ZNF706: variants seen among roughly 807,000 people sequenced by gnomAD.
The protein encoded by ZNF706 is transcriptional regulator ZNF706.
In ZNF706, 4 loss-of-function variants were observed where a neutral mutation model predicts 9.2. The ratio of observed to expected loss-of-function variants is 0.43; its 90% confidence interval spans 0.21 to 0.99. ZNF706 has a LOEUF of 0.99. Among genes scored for constraint, ZNF706 ranks in the 50% least tolerant of loss-of-function variants. The pLI is 0.26. For synonymous variants in ZNF706, 28 were observed against 27.3 expected (o/e 1.03, Z -0.08); for missense variants, 27 against 87.8 (o/e 0.31, Z 2.77).
chr8:101,204,796 A>C (rs1810691574), intron 1 of ZNF706: 1 of 985,380 alleles, frequency 1.0e-6, no homozygotes, highest in Admixed American at 6.1e-5. Flanking sequence ...AAACCAACAT[A>C]AATGAGTAAC....
In ZNF706 at chr8:101,201,595, A is replaced by G. The variant is rs1352788511; in HGVS notation, c.135+12T>C. ...ACGGGAGAGCTGTATCTTTCAATTC[A>G]ATTCCCCTTACCCTACAGACAGTGC... On this transcript the variant is annotated intron_variant, in intron 2 of 3. Coordinates refer to ENST00000311212, the MANE Select transcript of ZNF706 (RefSeq NM_016096.5). The surrounding 1 kb of genome is among the most constrained non-coding windows in gnomAD (Gnocchi z 4.5). The G allele has an allele frequency of 6.2e-7, 1 of 1,608,872 alleles. No homozygotes were observed. Among genetic ancestry groups the G allele is most frequent in the East Asian group, 2.2e-5 (1 of 44,820 alleles).
intron 2 of ZNF706, 112 bp from the exon 3 acceptor site, chr8:101,200,209 T>A: frequency 2.6e-6 from 2 of 783,000 alleles, no homozygotes; most frequent in Non-Finnish European, 4.1e-6. Context: ...AAAACACCTT[T>A]AAATTCCTAC....
intron 1 of ZNF706, among the ~76,000 whole-genome samples, chr8:101,202,090 T>C (rs896755186): frequency 2.6e-5 from 4 of 151,980 alleles, no homozygotes; most frequent in Non-Finnish European, 5.9e-5. Context: ...GTAACACGGA[T>C]GCACAACTTG....
chr8:101,200,760 G>T (rs925374361), intron 2 of ZNF706: 1 of 153,922 alleles, frequency 6.5e-6, no homozygotes, highest in Non-Finnish European at 1.4e-5. Context: ...TATATGTAGT[G>T]TACTAACTCC....
rs747523286 is a variant in ZNF706 at position 101,199,266 on chromosome 8, TG to T, written c.*13-28del. Reference sequence around the variant, plus strand: ...TATAAAACATAAGCAAAATTTTCAATGAATGTTACCATTGCACAAATGCAAC... The same window carrying T: ...TATAAAACATAAGCAAAATTTTCAATAATGTTACCATTGCACAAATGCAAC... On this transcript the variant is annotated intron_variant, in intron 3 of 3. Coordinates refer to ENST00000311212, the MANE Select transcript of ZNF706 (RefSeq NM_016096.5). 25 of 701,122 alleles carry T rather than the reference TG, an allele frequency of 3.6e-5. No homozygotes were observed. In the African/African-American group the frequency reaches 4.0e-4, roughly 11 times the overall value. 43.4% of individuals were successfully genotyped at this position (701,122 alleles called of 1,614,324 possible).
chr8:101,200,173 C>A (rs772758381), intron 2 of ZNF706, 76 bp from the exon 3 acceptor site: 6 of 1,201,972 alleles, frequency 5.0e-6, no homozygotes, highest in South Asian at 3.7e-5. Flanking sequence ...GAATCCTGAA[C>A]CTTCTCAGTA....
At position 101,198,004 on chromosome 8, in the gene ZNF706, A is replaced by C. The variant is rs1356381900; in HGVS notation, c.*1248T>G. The C allele has an allele frequency of 6.6e-6, 1 of 152,226 alleles. No homozygotes were observed. Among genetic ancestry groups the C allele is most frequent in the African/African-American group, 2.4e-5 (1 of 41,464 alleles). The allele number at this position is 152,226 out of a possible 1,614,324, so 9.4% of individuals were successfully genotyped here. Reference sequence around the variant, plus strand: ...GTTCTTTCTATTATATTAATTTAAAAATTTAAACCGAGTTAACAGCAGTTT... The same window carrying C: ...GTTCTTTCTATTATATTAATTTAAACATTTAAACCGAGTTAACAGCAGTTT... On this transcript the variant is annotated 3_prime_UTR_variant, in exon 4 of 4. Coordinates refer to ENST00000311212, the MANE Select transcript of ZNF706 (RefSeq NM_016096.5).
intron 1 of ZNF706, chr8:101,203,097 A>G (rs756252467): frequency 2.0e-5 from 3 of 152,144 alleles, no homozygotes; most frequent in Non-Finnish European, 2.9e-5. Flanking sequence ...CTTGGTTAAG[A>G]GGGTTCTTTT....
chr8:101,201,870 G>T lies in ZNF706; in HGVS notation c.-2-127C>A. The T allele has an allele frequency of 9.9e-7, 1 of 1,014,426 alleles. No homozygotes were observed. Among genetic ancestry groups the T allele is most frequent in the Non-Finnish European group, 1.4e-6 (1 of 712,718 alleles). The allele number at this position is 1,014,426 out of a possible 1,614,324, so 62.8% of individuals were successfully genotyped here. A position where few individuals can be genotyped will look rare whatever the true frequency, so the allele number is the denominator to read the frequency against. On this transcript the variant is annotated intron_variant, in intron 1 of 3. Transcript: ENST00000311212. The surrounding 1 kb of genome is among the most constrained non-coding windows in gnomAD (Gnocchi z 4.5). ...AATATCTGGCAAATAAAAATTTATA[G>T]GTATTAAAATTCCCACATATAAATG...
chr8:101,201,850 C>G lies in ZNF706; in HGVS notation c.-2-107G>C. On this transcript the variant is annotated intron_variant, in intron 1 of 3. Transcript: ENST00000311212. This position sits in a 1 kb window ranked among gnomAD's most constrained non-coding sequence, Gnocchi z 4.5. ...GAAGCCTTAAGTTTTATAGAAATAT[C>G]TGGCAAATAAAAATTTATAGGTATT... 8.3e-7 allele frequency: 1 copy of G among 1,199,788 alleles called. No individual in the cohort carries two copies. The highest frequency in any genetic ancestry group is 1.2e-6 in the Non-Finnish European group (1 of 868,572). 74.3% of individuals were successfully genotyped at this position (1,199,788 alleles called of 1,614,324 possible). A position where few individuals can be genotyped will look rare whatever the true frequency, so the allele number is the denominator to read the frequency against.
rs768262970 is a variant in ZNF706, at chr8:101,199,982, T to C, written c.*12+8A>G. 5.0e-6 allele frequency: 8 copies of C among 1,587,536 alleles called. No homozygotes were observed. Among genetic ancestry groups the C allele is most frequent in the Admixed American group, 3.3e-5 (2 of 59,842 alleles). ...ATTAACAAACCAATAGAAAAAGAGG[T>C]GAGTTACCTGTAAACAACCTTATGC... On this transcript the variant is annotated splice_region_variant and intron_variant, in intron 3 of 3. Transcript: ENST00000311212.
At position 101,200,111 on chromosome 8, in the gene ZNF706, G is replaced by T. The variant is rs948107858; in HGVS notation, c.136-14C>A. On this transcript the variant is annotated splice_polypyrimidine_tract_variant and intron_variant, in intron 2 of 3. Coordinates refer to ENST00000311212, the MANE Select transcript of ZNF706 (RefSeq NM_016096.5). ...TGGCATTTGTGTCTAACAAAAAATT[G>T]TGCAAAAGAGAGCTAGACTTTATTT... 6 of 1,600,626 alleles carry T rather than the reference G, an allele frequency of 3.7e-6. No individual in the cohort carries two copies. Among genetic ancestry groups the T allele is most frequent in the South Asian group, 1.1e-5 (1 of 90,770 alleles).
chr8:101,201,849 T>G lies in ZNF706; in HGVS notation c.-2-106A>C. 1 of 1,207,474 alleles carries G rather than the reference T, an allele frequency of 8.3e-7. No individual in the cohort carries two copies. The highest frequency in any genetic ancestry group is 1.1e-6 in the Non-Finnish European group (1 of 873,618). 74.8% of individuals were successfully genotyped at this position (1,207,474 alleles called of 1,614,324 possible). Reference sequence around the variant, plus strand: ...TGAAGCCTTAAGTTTTATAGAAATATCTGGCAAATAAAAATTTATAGGTAT... The same window carrying G: ...TGAAGCCTTAAGTTTTATAGAAATAGCTGGCAAATAAAAATTTATAGGTAT... On this transcript the variant is annotated intron_variant, in intron 1 of 3. Transcript: ENST00000311212. This position sits in a 1 kb window ranked among gnomAD's most constrained non-coding sequence, Gnocchi z 4.5.
In ZNF706 at chr8:101,201,561, A is replaced by C; in HGVS notation, c.135+46T>G. ...TCAAAATTTTAATCTATTCAAGCCA[A>C]AACTGCCCACGGGAGAGCTGTATCT... On this transcript the variant is annotated intron_variant, in intron 2 of 3. Coordinates refer to ENST00000311212, the MANE Select transcript of ZNF706 (RefSeq NM_016096.5). This position sits in a 1 kb window ranked among gnomAD's most constrained non-coding sequence, Gnocchi z 4.5. The C allele has an allele frequency of 1.3e-6, 2 of 1,582,080 alleles. No homozygotes were observed. Among genetic ancestry groups the C allele is most frequent in the South Asian group, 2.3e-5 (2 of 85,950 alleles).
chr8:101,202,858 A>G (rs1163890704), intron 1 of ZNF706: 4 of 152,220 alleles, frequency 2.6e-5, no homozygotes, highest in Admixed American at 6.5e-5. Flanking sequence ...TGTGATTTTT[A>G]TAACTTTAAG....
Position 101,205,597 on chromosome 8 carries a change from C to CCCG in ZNF706, c.-168_-166dup, listed in dbSNP as rs1563753735. The CCCG allele has an allele frequency of 2.1e-5, 3 of 144,940 alleles. No individual in the cohort carries two copies. Among genetic ancestry groups the CCCG allele is most frequent in the South Asian group, 1.8e-4 (1 of 5,452 alleles). The allele number at this position is 144,940 out of a possible 1,614,324, so 9.0% of individuals were successfully genotyped here. On this transcript the variant is annotated 5_prime_UTR_variant, in exon 1 of 4. Coordinates refer to ENST00000311212, the MANE Select transcript of ZNF706 (RefSeq NM_016096.5). The surrounding 1 kb of genome is among the most constrained non-coding windows in gnomAD (Gnocchi z 6.6). ...GCCGGGAGCACAACAGCCTCGCACG[C>CCCG]CCGCCGCCGCCGCGCGCCCGCCGCC... is the stretch of plus-strand genomic sequence containing the variant.
chr8:101,204,806 CAG>C, intron 1 of ZNF706: 2 of 985,410 alleles, frequency 2.0e-6, no homozygotes, highest in African/African-American at 3.5e-5. Context: ...AAATGAGTAA[CAG>C]AAGAAAAGGA....
At chr8:101,200,956 TG>T (rs2129887468) in intron 2 of ZNF706, 2 of 253,122 alleles carry the variant, frequency 7.9e-6, no homozygotes, top group South Asian at 3.8e-5. Flanking sequence ...ACTAACCAGC[TG>T]GGAGACCCCA....
chr8:101,197,150 G>A lies in ZNF706; in HGVS notation c.*2102C>T, dbSNP rs1435264990. 1 of 152,160 alleles carries A rather than the reference G, an allele frequency of 6.6e-6. No individual in the cohort carries two copies. The highest frequency in any genetic ancestry group is 2.4e-5 in the African/African-American group (1 of 41,426). The allele number at this position is 152,160 out of a possible 1,614,324, so 9.4% of individuals were successfully genotyped here. On this transcript the variant is annotated 3_prime_UTR_variant, in exon 4 of 4. Transcript: ENST00000311212. Reference sequence around the variant, plus strand: ...GATGAATATCCATGTGAAGAGAATGGAAACAAGTTTAATCTTAACCCCATT... The same window carrying A: ...GATGAATATCCATGTGAAGAGAATGAAAACAAGTTTAATCTTAACCCCATT...
Sources: gnomAD v4.1 joint callset for allele counts (sites outside exome capture counted in the v4.1 genomes callset) on GRCh38, gnomAD v4.1.1 for gene constraint, Gnocchi (gnomAD v3.1) non-coding constraint, MANE v1.5 for transcripts, NCBI Gene and HGNC (gene_info 2026-07-23, HGNC 2026-07-21) for gene names.